Variants in GRM7 observed in about 807,000 individuals in gnomAD.
GRM7 encodes metabotropic glutamate receptor 7.
Under a neutral mutation model 84.5 loss-of-function variants are expected in GRM7, and 35 were observed. The observed-to-expected ratio is 0.41, with a 90% CI of 0.32 to 0.55. The LOEUF (loss-of-function observed/expected upper bound fraction) is 0.55, where lower values mean the gene tolerates loss of function less well. GRM7 is among the 20% of genes least tolerant of loss of function. The probability of loss-of-function intolerance (pLI) is 0.19; values close to 1 mark genes in which losing one functional copy is unlikely to be tolerated. For missense variants in GRM7, 1,003 were observed against 1,194.6 expected (o/e 0.84, Z 2.36); for synonymous variants, 487 against 455.1 (o/e 1.07, Z -0.89).
intron 2 of GRM7, among the ~76,000 whole-genome samples, chr3:7,282,423 C>A (rs1699285333): frequency 6.6e-6 from 1 of 152,192 alleles, no homozygotes; most frequent in Admixed American, 6.5e-5. Flanking sequence ...ACAAACCTGG[C>A]AGTGCAGCAT....
At chr3:7,310,649 C>A (rs899290337) in intron 4 of GRM7, among the ~76,000 whole-genome samples, 3 of 152,154 alleles carry the variant, frequency 2.0e-5, no homozygotes, top group African/African-American at 7.2e-5. Flanking sequence ...GATAAGAGAG[C>A]AATGAGATAC....
At position 7,264,959 on chromosome 3, in the gene GRM7, A is replaced by G. The variant is rs535557929; in HGVS notation, c.737-33725A>G. On this transcript the variant is annotated intron_variant, in intron 2 of 9. Coordinates refer to ENST00000357716, the MANE Select transcript of GRM7 (RefSeq NM_000844.4). ...CTTTGAATAATTCTATTTTCATTGG[A>G]CCTATATGCATCTTTCTCAATAAAG... Among the ~76,000 whole-genome samples the G allele has an allele frequency of 8.5e-5, 13 of 152,308 alleles. No homozygotes were observed. The South Asian group carries it at 2.3e-3, about 27-fold the overall frequency.
At chr3:7,041,488 T>G (rs1696614104) in intron 1 of GRM7, among the ~76,000 whole-genome samples, 1 of 152,262 alleles carries the variant, frequency 6.6e-6, no homozygotes, top group South Asian at 2.1e-4. Context: ...TAGTATTCCA[T>G]TGTATGAACA....
intron 2 of GRM7, among the ~76,000 whole-genome samples, chr3:7,223,245 T>C (rs1696869679): frequency 6.6e-6 from 1 of 152,122 alleles, no homozygotes; most frequent in African/African-American, 2.4e-5. Flanking sequence ...AATTATCTGG[T>C]TTTGTTTTGT....
At chr3:7,624,138 T>C (rs1697495267) in intron 8 of GRM7, among the ~76,000 whole-genome samples, 1 of 152,246 alleles carries the variant, frequency 6.6e-6, no homozygotes, top group Non-Finnish European at 1.5e-5. Flanking sequence ...GAATTAGATA[T>C]AAAAATTAAC....
chr3:7,674,189 T>A (rs1008973701), intron 8 of GRM7, among the ~76,000 whole-genome samples: 1 of 151,924 alleles, frequency 6.6e-6, no homozygotes, highest in African/African-American at 2.4e-5. Context: ...AGTAGTTGAA[T>A]TTTTTTCTTT....
Position 6,861,943 on chromosome 3 carries a change from T to C in GRM7, c.519+36T>C. ...GCTCCCTCCGGGGCGGAGCACACAGTGGCTACCTGCGCCCTTAACCCTAAA... is the reference window on the plus strand; with the variant it reads ...GCTCCCTCCGGGGCGGAGCACACAGCGGCTACCTGCGCCCTTAACCCTAAA... On this transcript the variant is annotated intron_variant, in intron 1 of 9. Coordinates refer to ENST00000357716, the MANE Select transcript of GRM7 (RefSeq NM_000844.4). The surrounding 1 kb of genome is among the most constrained non-coding windows in gnomAD (Gnocchi z 6.4). 6.4e-7 allele frequency: 1 copy of C among 1,551,026 alleles called. No homozygotes were observed. Among genetic ancestry groups the C allele is most frequent in the Non-Finnish European group, 8.8e-7 (1 of 1,136,344 alleles).
chr3:7,545,420 G>A (rs1405200672), intron 7 of GRM7, among the ~76,000 whole-genome samples: 1 of 152,154 alleles, frequency 6.6e-6, no homozygotes, highest in Non-Finnish European at 1.5e-5. Context: ...CACTAGCGAA[G>A]GAGACATGAT....
Position 7,569,867 on chromosome 3 carries a change from A to G in GRM7, c.1516-8555A>G, listed in dbSNP as rs191874186. ...TGAACACATCCAAATATCAGAAGGA[A>G]CAAACTCCGGACACGCCGCCTTTAA... is the stretch of plus-strand genomic sequence containing the variant. On this transcript the variant is annotated intron_variant, in intron 7 of 9. Coordinates refer to ENST00000357716, the MANE Select transcript of GRM7 (RefSeq NM_000844.4). 9.7e-4 allele frequency among the ~76,000 whole-genome samples: 148 copies of G among 152,236 alleles called. 1 individual carries two copies. Among genetic ancestry groups the G allele is most frequent in the Middle Eastern group, 6.8e-3 (2 of 294 alleles).
rs79395301 is a variant in GRM7, at chr3:7,076,524, C to A, written c.520-69928C>A. 2.0e-3 allele frequency among the ~76,000 whole-genome samples: 297 copies of A among 152,298 alleles called. 3 individuals are homozygous for A. Among genetic ancestry groups the A allele is most frequent in the African/African-American group, 6.9e-3 (286 of 41,574 alleles). On this transcript the variant is annotated intron_variant, in intron 1 of 9. Coordinates refer to ENST00000357716, the MANE Select transcript of GRM7 (RefSeq NM_000844.4). ...GCTTCCCCTTCACCTTCCACCATGA[C>A]TGTCAGTTTCCTAAGGCCTCCTAGC...
At chr3:7,214,542 A>G (rs6443096) in intron 2 of GRM7, among the ~76,000 whole-genome samples, 65,510 of 152,034 alleles carry the variant, frequency 0.43, 15,539 homozygotes, top group African/African-American at 0.64. Flanking sequence ...CATGCCTGGC[A>G]TATAAATGTT....
At chr3:6,987,551 A>G (rs1694463382) in intron 1 of GRM7, among the ~76,000 whole-genome samples, 1 of 152,200 alleles carries the variant, frequency 6.6e-6, no homozygotes, top group South Asian at 2.1e-4. Flanking sequence ...AAGTGCAAAA[A>G]GCTTCAAGGC....
intron 8 of GRM7, among the ~76,000 whole-genome samples, chr3:7,651,842 A>AAAGATTG (rs746760691): frequency 1.3e-5 from 2 of 152,146 alleles, no homozygotes; most frequent in Non-Finnish European, 2.9e-5. Flanking sequence ...CCAGCAGGAG[A>AAAGATTG]AAGATTGGAG....
At chr3:6,906,393 C>T (rs773586939) in intron 1 of GRM7, among the ~76,000 whole-genome samples, 7 of 152,068 alleles carry the variant, frequency 4.6e-5, no homozygotes, top group Non-Finnish European at 7.4e-5. Context: ...TTGAAACATC[C>T]TATCACATTA....
intron 1 of GRM7, among the ~76,000 whole-genome samples, chr3:6,967,346 C>A (rs965013063): frequency 6.6e-5 from 10 of 152,234 alleles, no homozygotes; most frequent in African/African-American, 2.4e-4. Context: ...GCATGCCCCA[C>A]CAAGCCTAGC....
chr3:6,984,706 G>A (rs1228985064), intron 1 of GRM7, among the ~76,000 whole-genome samples: 2 of 152,002 alleles, frequency 1.3e-5, no homozygotes, highest in African/African-American at 4.8e-5. Flanking sequence ...TAGCCTTTAT[G>A]GAGGGGAATT....
chr3:7,497,147 T>C (rs1699735706), intron 7 of GRM7, among the ~76,000 whole-genome samples: 2 of 152,090 alleles, frequency 1.3e-5, no homozygotes, highest in African/African-American at 4.8e-5. Flanking sequence ...CTCTTGGTCA[T>C]GAAGTGGCCA....
intron 1 of GRM7, among the ~76,000 whole-genome samples, chr3:6,965,321 T>C (rs781396): frequency 0.87 from 132,024 of 152,054 alleles, 57,564 homozygotes; most frequent in East Asian, 1. Context: ...TTTTATTTTT[T>C]ATTTTTATTT....
At chr3:7,130,499 C>T (rs975757753) in intron 1 of GRM7, among the ~76,000 whole-genome samples, 3 of 149,582 alleles carry the variant, frequency 2.0e-5, no homozygotes, top group African/African-American at 5.0e-5. Context: ...GCCGAGATCG[C>T]ACCATTGCAC....
Sources: gnomAD v4.1 joint callset for allele counts (sites outside exome capture counted in the v4.1 genomes callset) on GRCh38, gnomAD v4.1.1 for gene constraint, Gnocchi (gnomAD v3.1) non-coding constraint, MANE v1.5 for transcripts, NCBI Gene and HGNC (gene_info 2026-07-23, HGNC 2026-07-21) for gene names.